Variants in NME7 observed in about 807,000 individuals in gnomAD.
The protein encoded by NME7 is NME/NM23 family member 7.
NME7 carries 41 observed loss-of-function variants against 49.1 expected under a neutral mutation model. That is an observed-to-expected ratio of 0.83 (90% CI 0.65 to 1.08). NME7 has a LOEUF of 1.08. Ranked by LOEUF, NME7 falls within the 50% of genes least tolerant of loss-of-function variation. NME7 has a pLI of 0.00. For missense variants in NME7, 423 were observed against 463.4 expected (o/e 0.91, Z 0.80); for synonymous variants, 139 against 150.6 (o/e 0.92, Z 0.56).
chr1:169,256,851 G>T (rs1186497614), intron 7 of NME7, among the ~76,000 whole-genome samples: 1 of 132,582 alleles, frequency 7.5e-6, no homozygotes, highest in Non-Finnish European at 1.8e-5. Context: ...CTCTTGCTGG[G>T]GGGTGCCTCC....
At chr1:169,344,558 A>G (rs1288025458) in intron 1 of NME7, among the ~76,000 whole-genome samples, 1 of 152,138 alleles carries the variant, frequency 6.6e-6, no homozygotes, top group African/African-American at 2.4e-5. Context: ...TCTACTTCTA[A>G]TTTGTTGAGA....
At chr1:169,254,816 T>G (rs1648838807) in intron 7 of NME7, among the ~76,000 whole-genome samples, 1 of 133,508 alleles carries the variant, frequency 7.5e-6, no homozygotes, top group Non-Finnish European at 1.7e-5. Context: ...TTCATTTCGC[T>G]ATGTACCCAG....
chr1:169,298,498 T>C, intron 6 of NME7, 58 bp downstream of exon 6: 1 of 1,521,900 alleles, frequency 6.6e-7, no homozygotes, highest in East Asian at 2.3e-5. Context: ...TGCTTTCCTT[T>C]GATATAAAAC....
intron 11 of NME7, among the ~76,000 whole-genome samples, chr1:169,165,228 C>T (rs1453573423): frequency 6.6e-6 from 1 of 151,894 alleles, no homozygotes; most frequent in Non-Finnish European, 1.5e-5. Flanking sequence ...TCTAGGAGAA[C>T]AGTAGAAATG....
intron 1 of NME7, among the ~76,000 whole-genome samples, chr1:169,338,566 C>A (rs1427861646): frequency 6.6e-6 from 1 of 152,092 alleles, no homozygotes. Flanking sequence ...CACCTTGGGC[C>A]CCATAATCTT....
At chr1:169,202,895 G>T (rs1660585842) in intron 10 of NME7, among the ~76,000 whole-genome samples, 1 of 149,372 alleles carries the variant, frequency 6.7e-6, no homozygotes, top group Non-Finnish European at 1.5e-5. Context: ...AATGGCATGG[G>T]TATGCACAGT....
At chr1:169,166,514 T>C (rs895646336) in intron 11 of NME7, among the ~76,000 whole-genome samples, 8 of 152,182 alleles carry the variant, frequency 5.3e-5, no homozygotes, top group African/African-American at 1.9e-4. Flanking sequence ...AAAAAGTGAC[T>C]CTACTGCTTG....
In NME7 at chr1:169,261,755, A is replaced by G. The variant is rs908916944; in HGVS notation, c.755-24068T>C. On this transcript the variant is annotated intron_variant, in intron 7 of 11. Transcript: ENST00000367811. ...TACTGGGTGTTTATCAGGAAAACCC[A>G]GGGATTCTTTTAAAAATGCATATTC... Among the ~76,000 whole-genome samples the G allele has an allele frequency of 5.2e-5, 7 of 133,788 alleles. 1 individual carries two copies. Among genetic ancestry groups the G allele is most frequent in the African/African-American group, 1.8e-4 (7 of 39,564 alleles). The allele number at this position is 133,788 out of a possible 152,430, so 87.8% of individuals were successfully genotyped here.
At chr1:169,278,377 T>C (rs1382124467) in intron 7 of NME7, among the ~76,000 whole-genome samples, 1 of 152,162 alleles carries the variant, frequency 6.6e-6, no homozygotes, top group African/African-American at 2.4e-5. Context: ...TTGGAGGCTT[T>C]GTTTGTTTCT....
intron 11 of NME7, among the ~76,000 whole-genome samples, chr1:169,145,214 A>G (rs1658713907): frequency 6.6e-6 from 1 of 152,204 alleles, no homozygotes; most frequent in Non-Finnish European, 1.5e-5. Flanking sequence ...GCTGTTTTCA[A>G]CTTGCGGTTT....
At chr1:169,196,671 A>G (rs1171895925) in intron 10 of NME7, among the ~76,000 whole-genome samples, 1 of 152,200 alleles carries the variant, frequency 6.6e-6, no homozygotes, top group Non-Finnish European at 1.5e-5. Flanking sequence ...CTTAAGAGAA[A>G]TTCTAAAAGT....
chr1:169,266,312 C>T lies in NME7; in HGVS notation c.754+20991G>A, dbSNP rs1434346808. ...TGGGATACAAGGTTAGTTCAACATA[C>T]ACAAATCAATAAATGTGACTCATCA... On this transcript the variant is annotated intron_variant, in intron 7 of 11. Transcript: ENST00000367811. Among the ~76,000 whole-genome samples, 2 of 133,566 alleles carry T rather than the reference C, an allele frequency of 1.5e-5. 1 individual carries two copies. The highest frequency in any genetic ancestry group is 5.1e-5 in the African/African-American group (2 of 39,422). 87.6% of individuals were successfully genotyped at this position (133,566 alleles called of 152,430 possible).
intron 11 of NME7, among the ~76,000 whole-genome samples, chr1:169,149,812 T>C (rs1325180583): frequency 3.9e-5 from 6 of 152,232 alleles, no homozygotes; most frequent in Non-Finnish European, 8.8e-5. Flanking sequence ...GAATATTCCA[T>C]TAAATATTTT....
chr1:169,290,783 T>G (rs1415754798), intron 6 of NME7, among the ~76,000 whole-genome samples: 1 of 152,142 alleles, frequency 6.6e-6, no homozygotes, highest in Non-Finnish European at 1.5e-5. Context: ...AAAGGGCTAC[T>G]GTCCAGAATC....
chr1:169,163,795 A>C (rs116047398), intron 11 of NME7, among the ~76,000 whole-genome samples: 1,813 of 152,266 alleles, frequency 0.012, 15 homozygotes, highest in Non-Finnish European at 0.021. Flanking sequence ...AACTTTTCTA[A>C]AAGTTTAAAG....
intron 7 of NME7, among the ~76,000 whole-genome samples, chr1:169,243,020 G>GT (rs762671784): frequency 3.6e-4 from 55 of 151,902 alleles, no homozygotes; most frequent in Non-Finnish European, 6.6e-4. Context: ...ATACCAGCAA[G>GT]TTTTTTTTGT....
At chr1:169,294,870 T>C (rs574283947) in intron 6 of NME7, among the ~76,000 whole-genome samples, 2 of 152,318 alleles carry the variant, frequency 1.3e-5, no homozygotes, top group South Asian at 4.1e-4. Flanking sequence ...AAATCTCACG[T>C]TGAAATTTGA....
chr1:169,298,141 T>C (rs1198754152), intron 6 of NME7, among the ~76,000 whole-genome samples: 1 of 152,178 alleles, frequency 6.6e-6, no homozygotes, highest in African/African-American at 2.4e-5. Flanking sequence ...ACTAGCTATA[T>C]ATAGGAAAAT....
At chr1:169,237,573 T>C in intron 8 of NME7, 50 bp downstream of exon 8, 1 of 1,388,626 alleles carries the variant, frequency 7.2e-7, no homozygotes, top group Non-Finnish European at 1.0e-6. Context: ...TTTATAACTA[T>C]TTTTGAAAAA....
Sources: gnomAD v4.1 joint callset for allele counts (sites outside exome capture counted in the v4.1 genomes callset) on GRCh38, gnomAD v4.1.1 for gene constraint, MANE v1.5 for transcripts, NCBI Gene and HGNC (gene_info 2026-07-23, HGNC 2026-07-21) for gene names.